Variants in UBE2L3 observed in about 807,000 individuals in gnomAD.
UBE2L3 encodes ubiquitin conjugating enzyme E2 L3, also known as ubiquitin-conjugating enzyme E2 L3.
UBE2L3 carries 1 observed loss-of-function variant against 17.8 expected under a neutral mutation model. That is an observed-to-expected ratio of 0.06 (90% CI 0.02 to 0.27). UBE2L3 has a LOEUF of 0.27. UBE2L3 is among the 10% of genes least tolerant of loss of function. The pLI is 1.00. For missense variants in UBE2L3, 40 were observed against 192.6 expected (o/e 0.21, Z 4.69); for synonymous variants, 44 against 68.5 (o/e 0.64, Z 1.76).
intron 1 of UBE2L3, among the ~76,000 whole-genome samples, chr22:21,576,834 C>T (rs1009953303): frequency 3.1e-5 from 4 of 130,514 alleles, no homozygotes; most frequent in South Asian, 2.5e-4. Flanking sequence ...GACGCAGTCT[C>T]GCTCTGTCGC....
Position 21,623,298 on chromosome 22 carries a change from T to G in UBE2L3, c.*1629T>G, listed in dbSNP as rs1296078231. The G allele has an allele frequency of 2.0e-5, 3 of 152,656 alleles. No individual in the cohort carries two copies. Among genetic ancestry groups the G allele is most frequent in the Non-Finnish European group, 4.4e-5 (3 of 68,074 alleles). The allele number at this position is 152,656 out of a possible 1,614,324, so 9.5% of individuals were successfully genotyped here. On this transcript the variant is annotated 3_prime_UTR_variant, in exon 4 of 4. Coordinates refer to ENST00000342192, the MANE Select transcript of UBE2L3 (RefSeq NM_003347.4). The stretch of plus-strand genomic sequence containing the variant: ...TCAGGCGCATGGCCCCTGCGGTGTG[T>G]ACACGAACTCGGCTTCTTTTGTCCT...
At chr22:21,556,776 T>C (rs1926245573) in intron 1 of UBE2L3, among the ~76,000 whole-genome samples, 3 of 152,252 alleles carry the variant, frequency 2.0e-5, no homozygotes, top group South Asian at 2.1e-4. Flanking sequence ...AAAAAATTAA[T>C]AGGCTGGGCG....
chr22:21,621,461 T>C, intron 3 of UBE2L3, 54 bp from the exon 4 acceptor site: 2 of 1,533,904 alleles, frequency 1.3e-6, no homozygotes, highest in Non-Finnish European at 1.7e-6. Context: ...GCCTCTTGCC[T>C]GTGCCATTTC....
intron 2 of UBE2L3, among the ~76,000 whole-genome samples, chr22:21,593,655 A>G (rs1316936439): frequency 6.6e-6 from 1 of 151,956 alleles, no homozygotes; most frequent in Non-Finnish European, 1.5e-5. Flanking sequence ...AATTAACTCC[A>G]GTTTGCAATC....
chr22:21,589,137 T>C (rs1291557225), intron 1 of UBE2L3, among the ~76,000 whole-genome samples: 2 of 141,612 alleles, frequency 1.4e-5, no homozygotes, highest in Non-Finnish European at 3.0e-5. Context: ...GGAGGCATGA[T>C]TGGAATTTTT....
intron 3 of UBE2L3, among the ~76,000 whole-genome samples, chr22:21,621,103 G>A (rs1308611055): frequency 6.6e-6 from 1 of 152,130 alleles, no homozygotes; most frequent in Non-Finnish European, 1.5e-5. Flanking sequence ...AGGAGGTTGA[G>A]GCTGCAGTGA....
chr22:21,583,635 G>A (rs1178619800), intron 1 of UBE2L3, among the ~76,000 whole-genome samples: 3 of 152,278 alleles, frequency 2.0e-5, no homozygotes, highest in Admixed American at 6.5e-5. Flanking sequence ...CCCAGTGCAG[G>A]TGGCTTCTTT....
At chr22:21,601,310 G>GT (rs1307797121) in intron 2 of UBE2L3, among the ~76,000 whole-genome samples, 1 of 150,760 alleles carries the variant, frequency 6.6e-6, no homozygotes, top group Non-Finnish European at 1.5e-5. Flanking sequence ...ACTCTTTTGG[G>GT]TTTTTTTGTT....
intron 1 of UBE2L3, among the ~76,000 whole-genome samples, chr22:21,591,801 G>T (rs533126958): frequency 2.6e-5 from 4 of 152,202 alleles, no homozygotes; most frequent in Non-Finnish European, 5.9e-5. Context: ...GCTGGATGGT[G>T]CTCGGGCTGC....
At chr22:21,594,988 C>T (rs1168066474) in intron 2 of UBE2L3, among the ~76,000 whole-genome samples, 2 of 152,188 alleles carry the variant, frequency 1.3e-5, no homozygotes, top group Admixed American at 6.5e-5. Context: ...GCCAGCTCCA[C>T]GGGTAGATTG....
At chr22:21,569,928 G>C (rs111468159) in intron 1 of UBE2L3, among the ~76,000 whole-genome samples, 15 of 152,328 alleles carry the variant, frequency 9.8e-5, no homozygotes, top group African/African-American at 3.4e-4. Context: ...CTTGCTGTCT[G>C]ATGTCCCTTT....
chr22:21,567,628 T>G (rs1926697250), upstream of UBE2L3: 1 of 1,538,648 alleles, frequency 6.5e-7, no homozygotes, highest in Admixed American at 2.0e-5. Context: ...CAGTAGGTGC[T>G]CCGCTCTGCT....
At chr22:21,558,415 G>A (rs1926314415) in intron 1 of UBE2L3, among the ~76,000 whole-genome samples, 2 of 152,238 alleles carry the variant, frequency 1.3e-5, no homozygotes, top group Non-Finnish European at 2.9e-5. Context: ...GGCGGATCAC[G>A]AGGTCAGGAG....
chr22:21,563,600 G>A (rs1336371463), upstream of UBE2L3, among the ~76,000 whole-genome samples: 1 of 141,568 alleles, frequency 7.1e-6, no homozygotes, highest in Non-Finnish European at 1.5e-5. Context: ...TTTTTGAGAC[G>A]GACTCTCACT....
intron 1 of UBE2L3, among the ~76,000 whole-genome samples, chr22:21,583,334 A>G (rs1408245168): frequency 6.6e-6 from 1 of 152,148 alleles, no homozygotes; most frequent in Non-Finnish European, 1.5e-5. Context: ...AGCGTTTCTC[A>G]GTTCTTTTAA....
chr22:21,562,382 T>TC (rs1926471288), intron 1 of UBE2L3, among the ~76,000 whole-genome samples: 3 of 148,956 alleles, frequency 2.0e-5, no homozygotes, highest in Admixed American at 1.3e-4. Context: ...TTTTCTTTTT[T>TC]TTTTTTTGAG....
chr22:21,575,734 C>T (rs952199916), intron 1 of UBE2L3, among the ~76,000 whole-genome samples: 2 of 141,960 alleles, frequency 1.4e-5, no homozygotes, highest in Non-Finnish European at 3.0e-5. Flanking sequence ...CCTCTGCCTC[C>T]CATGTTCAAG....
At chr22:21,596,396 A>G (rs1382491616) in intron 2 of UBE2L3, among the ~76,000 whole-genome samples, 2 of 151,584 alleles carry the variant, frequency 1.3e-5, no homozygotes, top group African/African-American at 4.9e-5. Context: ...TTTTTGAGAC[A>G]GTCTTACTCT....
intron 1 of UBE2L3, among the ~76,000 whole-genome samples, chr22:21,556,663 T>C (rs144814522): frequency 0.017 from 2,513 of 149,320 alleles, 1 homozygote; most frequent in Non-Finnish European, 0.026. Context: ...GGTCTTACCA[T>C]GTTGCCCAGG....
Sources: gnomAD v4.1 joint callset for allele counts (sites outside exome capture counted in the v4.1 genomes callset) on GRCh38, gnomAD v4.1.1 for gene constraint, MANE v1.5 for transcripts, NCBI Gene and HGNC (gene_info 2026-07-23, HGNC 2026-07-21) for gene names.